PRM2: variants seen among roughly 807,000 people sequenced by gnomAD.
PRM2 encodes protamine-2.
PRM2 carries 6 observed loss-of-function variants against 10.7 expected under a neutral mutation model. The ratio of observed to expected loss-of-function variants is 0.56; its 90% CI spans 0.31 to 1.11. The LOEUF is 1.11. PRM2 is among the 50% of genes least tolerant of loss of function. The probability of loss-of-function intolerance (pLI) is 0.06; values close to 1 mark genes in which losing one functional copy is unlikely to be tolerated. For missense variants in PRM2, 194 were observed against 147.7 expected (o/e 1.31, Z -1.62); for synonymous variants, 64 against 54.8 (o/e 1.17, Z -0.74).
chr16:11,275,711 A>C lies in PRM2; in HGVS notation c.*189T>G. The C allele has an allele frequency of 7.1e-7, 1 of 1,411,960 alleles. No individual in the cohort carries two copies. Among genetic ancestry groups the C allele is most frequent in the African/African-American group, 1.4e-5 (1 of 69,410 alleles). 87.5% of individuals were successfully genotyped at this position (1,411,960 alleles called of 1,614,324 possible). ...AGATCTTGTGGGCTTCTCGGCGGCA[A>C]CTCAGGGCTTGAGCATTTGATGTAG... On this transcript the variant is annotated 3_prime_UTR_variant, in exon 2 of 2. Transcript: ENST00000241808.
rs2069874714 is a variant in PRM2 at position 11,276,344 on chromosome 16, C to G, written c.27G>C (p.Leu9=). 3.7e-6 allele frequency: 6 copies of G among 1,614,248 alleles called. No individual in the cohort carries two copies. The highest frequency in any genetic ancestry group is 4.2e-6 in the Non-Finnish European group (5 of 1,180,034). MVRYRVRS[L]SERSHEVYRQ... ...TGTACACCTCGTGCGAGCGTTCGCTCAGGCTCCTCACGCGGTATCGGACCA... is the reference window on the plus strand; with the variant it reads ...TGTACACCTCGTGCGAGCGTTCGCTGAGGCTCCTCACGCGGTATCGGACCA... The change falls in exon 1 of 2, where the codon CTG becomes CTC. Residue 9 remains leucine (L), a synonymous_variant. Coordinates refer to ENST00000241808, the MANE Select transcript of PRM2 (RefSeq NM_002762.4).
rs2069846194 is a variant in PRM2, at chr16:11,275,780, T to C, written c.*120A>G. 1 of 1,576,768 alleles carries C rather than the reference T, an allele frequency of 6.3e-7. No individual in the cohort carries two copies. Among genetic ancestry groups the C allele is most frequent in the South Asian group, 1.2e-5 (1 of 86,130 alleles). ...ACTCGGTGTTTCTTGGGCAGGTGAC[T>C]TTCTCTTAACTTCCAGCTGGGGGCT... On this transcript the variant is annotated 3_prime_UTR_variant, in exon 2 of 2. Coordinates refer to ENST00000241808, the MANE Select transcript of PRM2 (RefSeq NM_002762.4).
In PRM2 at chr16:11,275,874, A is replaced by G; in HGVS notation, c.*26T>C. The stretch of plus-strand genomic sequence containing the variant: ...TTCGGGCGACTTTTTCTTAATTTCC[A>G]GCTGGGGGTGAGGGGCCCAGGAAGC... On this transcript the variant is annotated 3_prime_UTR_variant, in exon 2 of 2. Transcript: ENST00000241808. 1.2e-6 allele frequency: 2 copies of G among 1,613,758 alleles called. No homozygotes were observed. Among genetic ancestry groups the G allele is most frequent in the Non-Finnish European group, 1.7e-6 (2 of 1,179,968 alleles).
Position 11,275,735 on chromosome 16 carries a change from A to G in PRM2, c.*165T>C, listed in dbSNP as rs1478225196. On this transcript the variant is annotated 3_prime_UTR_variant, in exon 2 of 2. Coordinates refer to ENST00000241808, the MANE Select transcript of PRM2 (RefSeq NM_002762.4). ...AACTCAGGGCTTGAGCATTTGATGT[A>G]GGGGAGTTGCTATGGCCTCACTCGG... The G allele has an allele frequency of 3.3e-6, 5 of 1,495,248 alleles. No homozygotes were observed. The highest frequency in any genetic ancestry group is 4.9e-5 in the East Asian group (2 of 41,160). 92.6% of individuals were successfully genotyped at this position (1,495,248 alleles called of 1,614,324 possible).
In PRM2 at chr16:11,276,165, C is replaced by T. The variant is rs749752404; in HGVS notation, c.206G>A (p.Arg69Gln). The change falls in exon 1 of 2, where the codon CGG (arginine) becomes CAG (glutamine). Residue 69 changes from arginine (R) to glutamine (Q), a missense_variant. By Grantham distance (43) the Arg-to-Gln change is conservative. Transcript: ENST00000241808. Reference protein sequence around the residue: ...SRRRLHRIHRRQHRSCRRRKR... With the variant: ...SRRRLHRIHRQQHRSCRRRKR... ...GCGCCTTCTGCAGGAGCGATGCTGC[C>T]GCCTGTGGATCCGGTGCAGCCTCCT... 1.5e-5 allele frequency: 24 copies of T among 1,613,834 alleles called. No homozygotes were observed. Among genetic ancestry groups the T allele is most frequent in the East Asian group, 1.1e-4 (5 of 44,892 alleles).
In PRM2 at chr16:11,276,141, C is replaced by T. The variant is rs200756329; in HGVS notation, c.230G>A (p.Arg77His). 21 of 1,613,282 alleles carry T rather than the reference C, an allele frequency of 1.3e-5. No homozygotes were observed. In the East Asian group the frequency reaches 2.2e-4, roughly 17 times the overall value. ...HRRQHRSCRRRKRRSCRHRRR... is the reference protein window; with the variant it reads ...HRRQHRSCRRHKRRSCRHRRR... The stretch of plus-strand genomic sequence containing the variant: ...CCGGTGCCTGCAGGAGCGTCTTTTG[C>T]GCCTTCTGCAGGAGCGATGCTGCCG... Residue 77 changes from arginine (R) to histidine (H), a missense_variant, in exon 1 of 2, where the codon CGC becomes CAC. Transcript: ENST00000241808.
chr16:11,275,963 AG>A (rs2069852244), intron 1 of PRM2, 26 bp from the exon 2 acceptor site: 1 of 1,562,876 alleles, frequency 6.4e-7, no homozygotes, highest in Non-Finnish European at 8.7e-7. Flanking sequence ...GTTCTGGTTG[AG>A]GGGGTCACCT....
Position 11,276,114 on chromosome 16 carries a change from C to T in PRM2, c.257G>A (p.Arg86Lys). The change falls in exon 1 of 2, where the codon AGG becomes AAG. Residue 86 changes from arginine to lysine, a missense_variant. Transcript: ENST00000241808. ...RRKRRSCRHR[R>K]RHRRGCRTRK... is the part of the protein sequence containing the mutation. ...CGCAGGCAGACCTCTGCGATGCCTCCTCCGGTGCCTGCAGGAGCGTCTTTT... is the reference window on the plus strand; with the variant it reads ...CGCAGGCAGACCTCTGCGATGCCTCTTCCGGTGCCTGCAGGAGCGTCTTTT... The T allele has an allele frequency of 6.2e-7, 1 of 1,611,876 alleles. No homozygotes were observed. The highest frequency in any genetic ancestry group is 1.3e-5 in the African/African-American group (1 of 75,050).
In PRM2 at chr16:11,275,777, G is replaced by A; in HGVS notation, c.*123C>T. On this transcript the variant is annotated 3_prime_UTR_variant, in exon 2 of 2. Transcript: ENST00000241808. ...CTCACTCGGTGTTTCTTGGGCAGGT[G>A]ACTTTCTCTTAACTTCCAGCTGGGG... The A allele has an allele frequency of 1.3e-6, 2 of 1,571,578 alleles. No individual in the cohort carries two copies. The highest frequency in any genetic ancestry group is 1.7e-6 in the Non-Finnish European group (2 of 1,157,750).
Position 11,276,179 on chromosome 16 carries a change from G to T in PRM2, c.192C>A (p.His64Gln). 1 of 1,614,094 alleles carries T rather than the reference G, an allele frequency of 6.2e-7. No individual in the cohort carries two copies. Among genetic ancestry groups the T allele is most frequent in the Non-Finnish European group, 8.5e-7 (1 of 1,180,040 alleles). Residue 64 changes from histidine (H) to glutamine (Q), a missense_variant, in exon 1 of 2, where the codon CAC becomes CAA. Coordinates refer to ENST00000241808, the MANE Select transcript of PRM2 (RefSeq NM_002762.4). The part of the protein sequence containing the change: ...RRRHCSRRRL[H>Q]RIHRRQHRSC... ...AGCGATGCTGCCGCCTGTGGATCCGGTGCAGCCTCCTTCGAGAGCAGTGTC... is the reference window on the plus strand; with the variant it reads ...AGCGATGCTGCCGCCTGTGGATCCGTTGCAGCCTCCTTCGAGAGCAGTGTC...
At position 11,276,084 on chromosome 16, in the gene PRM2, G is replaced by T; in HGVS notation, c.271+16C>A. ...TGGTCAGGGACATGCAGGGCAAGGC[G>T]GGGGCGCAGGCAGACCTCTGCGATG... On this transcript the variant is annotated intron_variant, in intron 1 of 1. Coordinates refer to ENST00000241808, the MANE Select transcript of PRM2 (RefSeq NM_002762.4). 1 of 1,609,648 alleles carries T rather than the reference G, an allele frequency of 6.2e-7. No individual in the cohort carries two copies. The highest frequency in any genetic ancestry group is 8.5e-7 in the Non-Finnish European group (1 of 1,179,484).
In PRM2 at chr16:11,276,157, G is replaced by A. The variant is rs756477196; in HGVS notation, c.214C>T (p.Arg72Cys). 8.1e-6 allele frequency: 13 copies of A among 1,613,694 alleles called. No individual in the cohort carries two copies. Among genetic ancestry groups the A allele is most frequent in the African/African-American group, 1.3e-5 (1 of 74,952 alleles). ...CGTCTTTTGCGCCTTCTGCAGGAGCGATGCTGCCGCCTGTGGATCCGGTGC... is the reference window on the plus strand; with the variant it reads ...CGTCTTTTGCGCCTTCTGCAGGAGCAATGCTGCCGCCTGTGGATCCGGTGC... ...RLHRIHRRQHRSCRRRKRRSC... is the reference protein window; with the variant it reads ...RLHRIHRRQHCSCRRRKRRSC... Residue 72 changes from arginine to cysteine, a missense_variant, in exon 1 of 2, where the codon CGC (arginine) becomes TGC (cysteine). By Grantham distance (180) the Arg-to-Cys change is radical. Transcript: ENST00000241808.
rs1230916178 is a variant in PRM2 at position 11,275,668 on chromosome 16, C to T, written c.*232G>A. 3 of 1,008,036 alleles carry T rather than the reference C, an allele frequency of 3.0e-6. No homozygotes were observed. The highest frequency in any genetic ancestry group is 4.3e-6 in the Non-Finnish European group (3 of 691,002). The allele number at this position is 1,008,036 out of a possible 1,614,324, so 62.4% of individuals were successfully genotyped here. On this transcript the variant is annotated 3_prime_UTR_variant, in exon 2 of 2. Transcript: ENST00000241808. ...TTGTCAAGCTTTATTGGGCAGGTGA[C>T]TTTTGCTCGTTTCACTCAGATCTTG...
rs1597704752 is a variant in PRM2, at chr16:11,275,665, T to G, written c.*235A>C. Reference sequence around the variant, plus strand: ...GTCTTGTCAAGCTTTATTGGGCAGGTGACTTTTGCTCGTTTCACTCAGATC... The same window carrying G: ...GTCTTGTCAAGCTTTATTGGGCAGGGGACTTTTGCTCGTTTCACTCAGATC... On this transcript the variant is annotated 3_prime_UTR_variant, in exon 2 of 2. Transcript: ENST00000241808. The G allele has an allele frequency of 1.5e-5, 14 of 953,320 alleles. No homozygotes were observed. Among genetic ancestry groups the G allele is most frequent in the Non-Finnish European group, 4.7e-6 (3 of 644,898 alleles). The allele number at this position is 953,320 out of a possible 1,614,324, so 59.1% of individuals were successfully genotyped here.
In PRM2 at chr16:11,275,782, T is replaced by C; in HGVS notation, c.*118A>G. The C allele has an allele frequency of 6.3e-7, 1 of 1,578,180 alleles. No homozygotes were observed. The highest frequency in any genetic ancestry group is 8.6e-7 in the Non-Finnish European group (1 of 1,162,472). On this transcript the variant is annotated 3_prime_UTR_variant, in exon 2 of 2. Transcript: ENST00000241808. ...TCGGTGTTTCTTGGGCAGGTGACTT[T>C]CTCTTAACTTCCAGCTGGGGGCTTG... is the stretch of plus-strand genomic sequence containing the variant.
chr16:11,275,810 C>G lies in PRM2; in HGVS notation c.*90G>C. ...CTTAACTTCCAGCTGGGGGCTTGAG[C>G]ATTTGATGTAGGGGAATTGCTATGG... On this transcript the variant is annotated 3_prime_UTR_variant, in exon 2 of 2. Coordinates refer to ENST00000241808, the MANE Select transcript of PRM2 (RefSeq NM_002762.4). 1 of 1,602,928 alleles carries G rather than the reference C, an allele frequency of 6.2e-7. No individual in the cohort carries two copies. Among genetic ancestry groups the G allele is most frequent in the Non-Finnish European group, 8.5e-7 (1 of 1,175,982 alleles).
Position 11,276,431 on chromosome 16 carries a change from G to C in PRM2, c.-61C>G. Reference sequence around the variant, plus strand: ...TGCAGTGGGCCCTGGAGTAGGGGAGGAGGGCGGAGGCCTGCCCACCTGCCC... The same window carrying C: ...TGCAGTGGGCCCTGGAGTAGGGGAGCAGGGCGGAGGCCTGCCCACCTGCCC... On this transcript the variant is annotated 5_prime_UTR_variant, in exon 1 of 2. Transcript: ENST00000241808. 1.2e-6 allele frequency: 2 copies of C among 1,604,078 alleles called. No individual in the cohort carries two copies. The highest frequency in any genetic ancestry group is 1.7e-6 in the Non-Finnish European group (2 of 1,174,942).
At position 11,276,328 on chromosome 16, in the gene PRM2, C is replaced by T. The variant is rs775204728; in HGVS notation, c.43G>A (p.Glu15Lys). ...CCATGCAACTGCTGCCTGTACACCT[C>T]GTGCGAGCGTTCGCTCAGGCTCCTC... Reference protein sequence around the residue: ...RVRSLSERSHEVYRQQLHGQE... With the variant: ...RVRSLSERSHKVYRQQLHGQE... The change falls in exon 1 of 2, where the codon GAG becomes AAG. Residue 15 changes from glutamate to lysine, a missense_variant. Transcript: ENST00000241808. 1.2e-5 allele frequency: 19 copies of T among 1,614,244 alleles called. 1 individual carries two copies. In the Middle Eastern group the frequency reaches 9.9e-4, roughly 84 times the overall value.
In PRM2 at chr16:11,276,260, G is replaced by T; in HGVS notation, c.111C>A (p.Ser37Arg). 1 of 1,614,248 alleles carries T rather than the reference G, an allele frequency of 6.2e-7. No individual in the cohort carries two copies. The highest frequency in any genetic ancestry group is 8.5e-7 in the Non-Finnish European group (1 of 1,180,038). ...TCTCGTAGACCTCGACGTGCTCCGG[G>T]CTCAGCCCTTGCTCCTCTTGGCCGT... ...GHHGQEEQGL[S>R]PEHVEVYERT... The change falls in exon 1 of 2, where the codon AGC (serine) becomes AGA (arginine). Residue 37 changes from serine to arginine, a missense_variant. Transcript: ENST00000241808.
Sources: gnomAD v4.1 joint callset for allele counts on GRCh38, gnomAD v4.1.1 for gene constraint, MANE v1.5 for transcripts, NCBI Gene and HGNC (gene_info 2026-07-23, HGNC 2026-07-21) for gene names.